CRKL: variants seen among roughly 807,000 people sequenced by gnomAD.
CRKL encodes the protein CRK like proto-oncogene, adaptor protein.
In CRKL, 3 loss-of-function variants were observed where a neutral mutation model predicts 23.0. That is an observed-to-expected ratio of 0.13 (90% CI 0.06 to 0.34). The LOEUF is 0.34. CRKL is among the 10% of genes least tolerant of loss of function. CRKL has a pLI of 1.00. For synonymous variants in CRKL, 188 were observed against 160.7 expected (o/e 1.17, Z -1.28); for missense variants, 256 against 394.5 (o/e 0.65, Z 2.97).
rs559091618 is a variant in CRKL, at chr22:20,942,746, T to G, written c.778-6965T>G. Among the ~76,000 whole-genome samples, 20 of 152,068 alleles carry G rather than the reference T, an allele frequency of 1.3e-4. No individual in the cohort carries two copies. The South Asian group carries it at 3.9e-3, about 30-fold the overall frequency. ...AGCGATTTCTCCTGCCTCAGCCTCCTGAGTAGCTGGGATTATAGGCACGTG... is the reference window on the plus strand; with the variant it reads ...AGCGATTTCTCCTGCCTCAGCCTCCGGAGTAGCTGGGATTATAGGCACGTG... On this transcript the variant is annotated intron_variant, in intron 2 of 2. Coordinates refer to ENST00000354336, the MANE Select transcript of CRKL (RefSeq NM_005207.4).
chr22:20,934,461 C>T (rs1181646533), intron 2 of CRKL, among the ~76,000 whole-genome samples: 1 of 152,062 alleles, frequency 6.6e-6, no homozygotes. Context: ...ATTTCGAGGT[C>T]CTGGCCTCAA....
Position 20,953,326 on chromosome 22 carries a change from T to G in CRKL, c.*3481T>G. ...TGTGGACGCTGTGCTGGTTCTGTTT[T>G]CTAAAGGAGCAGAAGGACAGGTCTC... On this transcript the variant is annotated 3_prime_UTR_variant, in exon 3 of 3. Coordinates refer to ENST00000354336, the MANE Select transcript of CRKL (RefSeq NM_005207.4). The G allele has an allele frequency of 4.3e-6, 1 of 231,054 alleles. No individual in the cohort carries two copies. Among genetic ancestry groups the G allele is most frequent in the Non-Finnish European group, 8.6e-6 (1 of 116,536 alleles). 14.3% of individuals were successfully genotyped at this position (231,054 alleles called of 1,614,324 possible). A position where few individuals can be genotyped will look rare whatever the true frequency, so the allele number is the denominator to read the frequency against.
Position 20,951,843 on chromosome 22 carries a change from C to A in CRKL, c.*1998C>A. 1 of 222,412 alleles carries A rather than the reference C, an allele frequency of 4.5e-6. No individual in the cohort carries two copies. Among genetic ancestry groups the A allele is most frequent in the Non-Finnish European group, 9.0e-6 (1 of 111,236 alleles). 13.8% of individuals were successfully genotyped at this position (222,412 alleles called of 1,614,324 possible). A position where few individuals can be genotyped will look rare whatever the true frequency, so the allele number is the denominator to read the frequency against. On this transcript the variant is annotated 3_prime_UTR_variant, in exon 3 of 3. Transcript: ENST00000354336. ...TGGGAAAACTATCGCCATGGCTTCC[C>A]ATCTGTGGTTTTCCTCTAAAAGCCT...
At chr22:20,940,085 C>T (rs1430926166) in intron 2 of CRKL, among the ~76,000 whole-genome samples, 1 of 152,206 alleles carries the variant, frequency 6.6e-6, no homozygotes, top group African/African-American at 2.4e-5. Context: ...CCACCACGCC[C>T]AGCCTCTGAA....
intron 1 of CRKL, among the ~76,000 whole-genome samples, chr22:20,927,927 C>A (rs1472320441): frequency 2.0e-5 from 3 of 150,318 alleles, no homozygotes; most frequent in African/African-American, 7.4e-5. Context: ...TTTGGGAGGC[C>A]GAGGGAGGCA....
chr22:20,930,253 TGAGTA>T (rs1369408844), intron 1 of CRKL, among the ~76,000 whole-genome samples: 1 of 152,186 alleles, frequency 6.6e-6, no homozygotes, highest in Non-Finnish European at 1.5e-5. Flanking sequence ...AGCAAACTGT[TGAGTA>T]AAGGGTCAGA....
At position 20,953,117 on chromosome 22, in the gene CRKL, G is replaced by GT. The variant is rs543745259; in HGVS notation, c.*3278dup. ...TTTATTTTTGAAAAGGGATGATGTG[G>GT]TTTTTTGCCAGGTGTTTATAATTAA... On this transcript the variant is annotated 3_prime_UTR_variant, in exon 3 of 3. Coordinates refer to ENST00000354336, the MANE Select transcript of CRKL (RefSeq NM_005207.4). 54 of 231,922 alleles carry GT rather than the reference G, an allele frequency of 2.3e-4. No homozygotes were observed. In the East Asian group the frequency reaches 2.5e-3, roughly 11 times the overall value. The allele number at this position is 231,922 out of a possible 1,614,324, so 14.4% of individuals were successfully genotyped here. A position where few individuals can be genotyped will look rare whatever the true frequency, so the allele number is the denominator to read the frequency against.
intron 2 of CRKL, among the ~76,000 whole-genome samples, chr22:20,949,392 G>A (rs765480933): frequency 2.3e-4 from 35 of 152,130 alleles, no homozygotes; most frequent in South Asian, 4.1e-4. Flanking sequence ...GTTACAATGA[G>A]CTGTAATCGG....
At chr22:20,930,875 G>A (rs1016552173) in intron 1 of CRKL, among the ~76,000 whole-genome samples, 2 of 145,244 alleles carry the variant, frequency 1.4e-5, no homozygotes, top group African/African-American at 2.6e-5. Context: ...AGAGAGACAG[G>A]GTTTCACCGT....
At chr22:20,938,181 A>G (rs1169259827) in intron 2 of CRKL, among the ~76,000 whole-genome samples, 1 of 152,226 alleles carries the variant, frequency 6.6e-6, no homozygotes, top group Non-Finnish European at 1.5e-5. Context: ...AAGCTTCGTT[A>G]TTCCCCTAGA....
At chr22:20,934,465 G>A (rs979179428) in intron 2 of CRKL, among the ~76,000 whole-genome samples, 1 of 152,050 alleles carries the variant, frequency 6.6e-6, no homozygotes, top group African/African-American at 2.4e-5. Flanking sequence ...CGAGGTCCTG[G>A]CCTCAAGCAA....
chr22:20,926,905 C>T (rs916532602), intron 1 of CRKL, among the ~76,000 whole-genome samples: 2 of 151,642 alleles, frequency 1.3e-5, no homozygotes, highest in South Asian at 2.1e-4. Flanking sequence ...TGAGCTCATG[C>T]GTTCGAGACC....
At position 20,953,648 on chromosome 22, in the gene CRKL, A is replaced by G. The variant is rs960670712; in HGVS notation, c.*3803A>G. ...CAGATTAGTGCCTTTTTATTTTTGT[A>G]TTCCGTTTTACGTTACTGGTCCCAG... On this transcript the variant is annotated 3_prime_UTR_variant, in exon 3 of 3. Coordinates refer to ENST00000354336, the MANE Select transcript of CRKL (RefSeq NM_005207.4). The G allele has an allele frequency of 9.8e-6, 2 of 203,388 alleles. No individual in the cohort carries two copies. Among genetic ancestry groups the G allele is most frequent in the Non-Finnish European group, 1.0e-5 (1 of 99,046 alleles). 12.6% of individuals were successfully genotyped at this position (203,388 alleles called of 1,614,324 possible).
At chr22:20,924,805 A>T (rs975386275) in intron 1 of CRKL, among the ~76,000 whole-genome samples, 13 of 152,026 alleles carry the variant, frequency 8.6e-5, no homozygotes, top group Non-Finnish European at 1.8e-4. Flanking sequence ...GTGCAGCTGG[A>T]CTCCATCCTG....
intron 2 of CRKL, among the ~76,000 whole-genome samples, chr22:20,941,261 G>A (rs955768391): frequency 3.9e-5 from 6 of 152,100 alleles, no homozygotes; most frequent in Middle Eastern, 3.4e-3. Context: ...CCGTGGTGGT[G>A]TGTGGATGTC....
intron 2 of CRKL, among the ~76,000 whole-genome samples, chr22:20,937,757 T>G (rs1921716440): frequency 6.6e-6 from 1 of 152,098 alleles, no homozygotes; most frequent in Non-Finnish European, 1.5e-5. Flanking sequence ...AGGGTTTGTT[T>G]GGTGCTTGAC....
intron 1 of CRKL, among the ~76,000 whole-genome samples, chr22:20,921,854 G>A (rs1326212282): frequency 2.0e-5 from 3 of 151,390 alleles, no homozygotes; most frequent in South Asian, 2.1e-4. Flanking sequence ...GACTACAGGC[G>A]CCTGCAACCA....
In CRKL at chr22:20,938,084, C is replaced by G. The variant is rs558248815; in HGVS notation, c.777+3840C>G. ...CTGTCTGATCTTGTTAAAAACAACT[C>G]TTGGGACTTTTGCAATTAGGTTACT... On this transcript the variant is annotated intron_variant, in intron 2 of 2. Coordinates refer to ENST00000354336, the MANE Select transcript of CRKL (RefSeq NM_005207.4). 5.9e-5 allele frequency among the ~76,000 whole-genome samples: 9 copies of G among 152,138 alleles called. No homozygotes were observed. The East Asian group carries it at 9.7e-4, about 16-fold the overall frequency.
At position 20,934,129 on chromosome 22, in the gene CRKL, G is replaced by T. The variant is rs757890975; in HGVS notation, c.662G>T (p.Gly221Val). 6.2e-6 allele frequency: 10 copies of T among 1,614,158 alleles called. No homozygotes were observed. The highest frequency in any genetic ancestry group is 3.3e-4 in the Middle Eastern group (2 of 6,062). ...ACAACTCCTCTACCTGCAGTTTCCG[G>T]TTCTCCTGGGGCAGCAATCACCCCT... Reference protein sequence around the residue: ...QTTTPLPAVSGSPGAAITPLP... With the variant: ...QTTTPLPAVSVSPGAAITPLP... Residue 221 changes from glycine (G) to valine (V), a missense_variant, in exon 2 of 3, where the codon GGT becomes GTT. Gly to Val is a moderately radical substitution (Grantham distance 109). Transcript: ENST00000354336.
Sources: gnomAD v4.1 joint callset for allele counts (sites outside exome capture counted in the v4.1 genomes callset) on GRCh38, gnomAD v4.1.1 for gene constraint, MANE v1.5 for transcripts, NCBI Gene and HGNC (gene_info 2026-07-23, HGNC 2026-07-21) for gene names.